Variants in SLC2A3 observed in about 807,000 individuals in gnomAD.
SLC2A3 encodes the protein solute carrier family 2, facilitated glucose transporter member 3.
Under a neutral mutation model 46.4 loss-of-function variants are expected in SLC2A3, and 21 were observed. That is an observed-to-expected ratio of 0.45 (90% CI 0.32 to 0.65). SLC2A3 has a LOEUF of 0.65. Among genes scored for constraint, SLC2A3 ranks in the 30% least tolerant of loss-of-function variants. The pLI, the probability that SLC2A3 is intolerant of heterozygous loss-of-function variation, is 0.04. For synonymous variants in SLC2A3, 213 were observed against 239.4 expected (o/e 0.89, Z 1.02); for missense variants, 499 against 623.3 (o/e 0.80, Z 2.12).
At position 7,936,019 on chromosome 12, in the gene SLC2A3, C is replaced by T; in HGVS notation, c.15+1G>A. 3.1e-6 allele frequency: 5 copies of T among 1,603,996 alleles called. No individual in the cohort carries two copies. The highest frequency in any genetic ancestry group is 4.3e-6 in the Non-Finnish European group (5 of 1,170,826). On this transcript the variant is annotated splice_donor_variant, in intron 1 of 9. Coordinates refer to ENST00000075120, the MANE Select transcript of SLC2A3 (RefSeq NM_006931.3). LOFTEE classifies it high-confidence loss of function. ...ATAACCAGTAATTATATCATTCTTA[C>T]CTTCTGTGTCCCCATCGCTGTAATC...
intron 2 of SLC2A3, chr12:7,933,507 G>A: frequency 2.1e-6 from 1 of 465,728 alleles, no homozygotes; most frequent in Non-Finnish European, 3.9e-6. Flanking sequence ...TGAGCTTTGT[G>A]CTTCGATTAG....
At chr12:7,925,820 A>G (rs1946089859) in intron 7 of SLC2A3, 24 bp downstream of exon 7, 2 of 1,577,368 alleles carry the variant, frequency 1.3e-6, no homozygotes, top group African/African-American at 2.7e-5. Context: ...TCTCCCCTCA[A>G]AATTACCAAA....
At chr12:7,932,953 G>C (rs1946172460) in intron 3 of SLC2A3, 34 bp downstream of exon 3, 3 of 1,611,756 alleles carry the variant, frequency 1.9e-6, no homozygotes, top group Middle Eastern at 1.8e-4. Context: ...GTGGCTGGTA[G>C]AGCCCACTTC....
chr12:7,934,017 G>A (rs1362357756), intron 1 of SLC2A3, 115 bp from the exon 2 acceptor site: 1 of 949,864 alleles, frequency 1.1e-6, no homozygotes, highest in African/African-American at 1.6e-5. Context: ...GGTATGAAAA[G>A]AACATCCAAT....
rs1226773278 is a variant in SLC2A3 at position 7,930,181 on chromosome 12, C to T, written c.673+299G>A. On this transcript the variant is annotated intron_variant, in intron 5 of 9. Transcript: ENST00000075120. The stretch of plus-strand genomic sequence containing the variant: ...TGTATTTTTAGTAGAGACAGGGTTT[C>T]TCCATGTTGTTTCAGGCAGGTCTTG... The T allele has an allele frequency of 7.5e-6, 4 of 535,718 alleles. No homozygotes were observed. The South Asian group carries it at 9.6e-5, about 13-fold the overall frequency. The allele number at this position is 535,718 out of a possible 1,614,324, so 33.2% of individuals were successfully genotyped here.
At chr12:7,922,459 T>C (rs1258752318) in intron 9 of SLC2A3, among the ~76,000 whole-genome samples, 1 of 152,162 alleles carries the variant, frequency 6.6e-6, no homozygotes, top group African/African-American at 2.4e-5. Flanking sequence ...GAGGGACTGC[T>C]GTATTTTTTT....
At position 7,930,539 on chromosome 12, in the gene SLC2A3, C is replaced by A; in HGVS notation, c.614G>T (p.Cys205Phe). 2.5e-6 allele frequency: 4 copies of A among 1,613,844 alleles called. No homozygotes were observed. The highest frequency in any genetic ancestry group is 3.4e-6 in the Non-Finnish European group (4 of 1,179,918). ...AILQSAALPFCPESPRFLLIN... is the reference protein window; with the variant it reads ...AILQSAALPFFPESPRFLLIN... ...GAGCAAAAATCTGGGACTTTCAGGGCAAAATGGAAGGGCTGCACTTTGTAG... is the reference window on the plus strand; with the variant it reads ...GAGCAAAAATCTGGGACTTTCAGGGAAAAATGGAAGGGCTGCACTTTGTAG... Residue 205 changes from cysteine to phenylalanine, a missense_variant, in exon 5 of 10, where the codon TGC becomes TTC. Cys to Phe is a radical substitution (Grantham distance 205, BLOSUM62 -2). Transcript: ENST00000075120.
rs749450407 is a variant in SLC2A3 at position 7,935,999 on chromosome 12, C to A, written c.15+21G>T. ...TGTATCCCAAACAAGCAAAAATAACCAGTAATTATATCATTCTTACCTTCT... is the reference window on the plus strand; with the variant it reads ...TGTATCCCAAACAAGCAAAAATAACAAGTAATTATATCATTCTTACCTTCT... On this transcript the variant is annotated intron_variant, in intron 1 of 9. Coordinates refer to ENST00000075120, the MANE Select transcript of SLC2A3 (RefSeq NM_006931.3). 10 of 1,584,832 alleles carry A rather than the reference C, an allele frequency of 6.3e-6. No homozygotes were observed. The South Asian group carries it at 1.1e-4, about 18-fold the overall frequency.
intron 2 of SLC2A3, 59 bp downstream of exon 2, chr12:7,933,751 C>T (rs907048490): frequency 3.2e-6 from 5 of 1,562,388 alleles, no homozygotes; most frequent in East Asian, 4.5e-5. Flanking sequence ...TTCCTGAAAC[C>T]CTACTTAAAG....
rs1565602494 is a variant in SLC2A3, at chr12:7,923,192, A to G, written c.1069-168T>C. 8 of 713,092 alleles carry G rather than the reference A, an allele frequency of 1.1e-5. No homozygotes were observed. The South Asian group carries it at 1.6e-4, about 14-fold the overall frequency. The allele number at this position is 713,092 out of a possible 1,614,324, so 44.2% of individuals were successfully genotyped here. A position where few individuals can be genotyped will look rare whatever the true frequency, so the allele number is the denominator to read the frequency against. ...TATTTTTATTTTTATTTTTTGAGAC[A>G]GGGTCTTACTCTGTTGCCCATGCTG... On this transcript the variant is annotated intron_variant, in intron 8 of 9. Transcript: ENST00000075120.
intron 9 of SLC2A3, among the ~76,000 whole-genome samples, chr12:7,922,184 G>A (rs988345675): frequency 2.0e-5 from 3 of 151,780 alleles, no homozygotes; most frequent in African/African-American, 7.3e-5. Context: ...GCAATGGTGT[G>A]ATCTCGCTCA....
rs140598926 is a variant in SLC2A3, at chr12:7,930,470, G to A, written c.673+10C>T. 82 of 1,611,732 alleles carry A rather than the reference G, an allele frequency of 5.1e-5. No individual in the cohort carries two copies. In the African/African-American group the frequency reaches 8.7e-4, roughly 17 times the overall value. On this transcript the variant is annotated intron_variant, in intron 5 of 9. Coordinates refer to ENST00000075120, the MANE Select transcript of SLC2A3 (RefSeq NM_006931.3). ...TATAATTCATGTAGTAAGGTGTGAA[G>A]GATACTCACTCTGCTTAGCATTCTC...
At chr12:7,930,337 T>G in intron 5 of SLC2A3, 143 bp downstream of exon 5, 1 of 895,116 alleles carries the variant, frequency 1.1e-6, no homozygotes, top group Non-Finnish European at 1.7e-6. Context: ...GGCTGAAAAT[T>G]TTACTCAGGA....
chr12:7,931,794 A>G (rs1210350128), intron 3 of SLC2A3, among the ~76,000 whole-genome samples: 3 of 152,062 alleles, frequency 2.0e-5, no homozygotes, highest in Non-Finnish European at 4.4e-5. Context: ...TAAAAAAACA[A>G]AAGAACAACA....
chr12:7,932,795 T>C, intron 3 of SLC2A3, 192 bp downstream of exon 3: 1 of 705,228 alleles, frequency 1.4e-6, no homozygotes, highest in Non-Finnish European at 2.3e-6. Context: ...CACAGCTGGG[T>C]GGGAGCTCTC....
intron 6 of SLC2A3, among the ~76,000 whole-genome samples, chr12:7,929,350 T>C (rs1946128236): frequency 6.6e-6 from 1 of 152,070 alleles, no homozygotes; most frequent in African/African-American, 2.4e-5. Flanking sequence ...CTTTAAACTA[T>C]CATCTATCAT....
rs17847967 is a variant in SLC2A3 at position 7,929,771 on chromosome 12, T to C, written c.774A>G (p.Leu258=). The part of the protein sequence containing the change: ...RMSQEKQVTV[L]ELFRVSSYRQ... ...GGTAGCTGGACACTCTAAAGAGCTC[T>C]AGCACGGTGACTTGCTTTTCTTGTG... is the stretch of plus-strand genomic sequence containing the variant. Residue 258 remains leucine (L), a synonymous_variant, in exon 6 of 10, where the codon CTA becomes CTG. Coordinates refer to ENST00000075120, the MANE Select transcript of SLC2A3 (RefSeq NM_006931.3). 211,772 of 1,524,446 alleles carry C rather than the reference T, an allele frequency of 0.14. 20,059 individuals carry two copies. The highest frequency in any genetic ancestry group is 0.18 in the East Asian group (7,644 of 42,418). The allele number at this position is 1,524,446 out of a possible 1,614,324, so 94.4% of individuals were successfully genotyped here. A position where few individuals can be genotyped will look rare whatever the true frequency, so the allele number is the denominator to read the frequency against.
At chr12:7,931,551 C>T in intron 3 of SLC2A3, 66 bp from the exon 4 acceptor site, 3 of 1,592,410 alleles carry the variant, frequency 1.9e-6, no homozygotes, top group African/African-American at 1.4e-5. Flanking sequence ...CTCCTCTGTC[C>T]TCATTATTCT....
intron 3 of SLC2A3, among the ~76,000 whole-genome samples, chr12:7,932,301 C>A (rs1031047960): frequency 1.3e-5 from 2 of 151,892 alleles, no homozygotes; most frequent in East Asian, 3.9e-4. Context: ...CCTCAGCCTC[C>A]GGAGTAGCTG....
Sources: allele counts gnomAD v4.1 joint callset (sites outside exome capture counted in the v4.1 genomes callset), GRCh38; gene constraint gnomAD v4.1.1; transcripts MANE v1.5; gene names NCBI Gene and HGNC (gene_info 2026-07-23, HGNC 2026-07-21).